FAM184A: variants seen among roughly 807,000 people sequenced by gnomAD.
FAM184A encodes family with sequence similarity 184 member A, also known as protein FAM184A.
Under a neutral mutation model 143.8 loss-of-function variants are expected in FAM184A, and 99 were observed. The observed-to-expected ratio is 0.69, with a 90% confidence interval of 0.58 to 0.81. The LOEUF is 0.81. Ranked by LOEUF, FAM184A falls within the 40% of genes least tolerant of loss-of-function variation. The pLI, the probability that FAM184A is intolerant of heterozygous loss-of-function variation, is 0.00. For missense variants in FAM184A, 1,217 were observed against 1,310.5 expected, an observed-to-expected ratio of 0.93 and a Z score of 1.10; for synonymous variants, 427 against 446.4, an observed-to-expected ratio of 0.96 and a Z score of 0.55.
At chr6:119,135,762 T>C (rs1472904970) in intron 1 of FAM184A, among the ~76,000 whole-genome samples, 1 of 152,206 alleles carries the variant, frequency 6.6e-6, no homozygotes, top group African/African-American at 2.4e-5. Context: ...CTCAGATCCA[T>C]ACTTCACGCA....
At chr6:119,056,631 AG>A (rs1161210811) in intron 1 of FAM184A, among the ~76,000 whole-genome samples, 2 of 152,208 alleles carry the variant, frequency 1.3e-5, no homozygotes, top group African/African-American at 4.8e-5. Context: ...GTAACCTACT[AG>A]GAACTTCCTT....
At chr6:119,052,599 A>G (rs1402522262) in intron 1 of FAM184A, among the ~76,000 whole-genome samples, 1 of 152,156 alleles carries the variant, frequency 6.6e-6, no homozygotes, top group Non-Finnish European at 1.5e-5. Context: ...GTTTCCCACC[A>G]CACATGTACA....
At chr6:118,995,185 A>C (rs1784508638) in intron 9 of FAM184A, among the ~76,000 whole-genome samples, 1 of 152,184 alleles carries the variant, frequency 6.6e-6, no homozygotes. Context: ...TGGGAGGCTG[A>C]GGCAGTGGAT....
At chr6:119,076,695 T>C (rs1935817) in intron 1 of FAM184A, among the ~76,000 whole-genome samples, 60,420 of 152,018 alleles carry the variant, frequency 0.4, 13,528 homozygotes, top group East Asian at 0.67. Flanking sequence ...GGACACATCA[T>C]AAGAGAAAAT....
At chr6:119,006,264 G>C (rs997913890) in intron 7 of FAM184A, 183 bp downstream of exon 7, 7 of 743,496 alleles carry the variant, frequency 9.4e-6, no homozygotes, top group Non-Finnish European at 1.7e-5. Flanking sequence ...CTAGCCTCCA[G>C]AGCTATGAGA....
intron 1 of FAM184A, among the ~76,000 whole-genome samples, chr6:119,106,253 G>A (rs1036450962): frequency 3.3e-5 from 5 of 151,948 alleles, no homozygotes; most frequent in African/African-American, 4.8e-5. Context: ...TTAGCCGGGC[G>A]TGGTGGTGCG....
intron 9 of FAM184A, among the ~76,000 whole-genome samples, chr6:119,000,948 A>T (rs1455712566): frequency 6.6e-6 from 1 of 151,338 alleles, no homozygotes; most frequent in African/African-American, 2.4e-5. Flanking sequence ...GTTATGGGGA[A>T]CAGGGCTTAG....
At chr6:119,019,877 T>C (rs1785383397) in intron 4 of FAM184A, 101 bp downstream of exon 4, 1 of 1,052,406 alleles carries the variant, frequency 9.5e-7, no homozygotes, top group Non-Finnish European at 1.3e-6. Context: ...AGGAAATGTA[T>C]TGTTACTGGG....
At chr6:119,025,353 C>G (rs1412114939) in intron 1 of FAM184A, 5 of 462,430 alleles carry the variant, frequency 1.1e-5, no homozygotes, top group Non-Finnish European at 2.1e-5. Flanking sequence ...TTTCCCAATT[C>G]CCCTATAGTT....
chr6:119,069,450 G>C (rs1351159237), intron 1 of FAM184A, among the ~76,000 whole-genome samples: 1 of 152,088 alleles, frequency 6.6e-6, no homozygotes, highest in African/African-American at 2.4e-5. Context: ...GATGAAAAAT[G>C]CAAATACCTG....
chr6:119,143,431 C>T (rs991771920), intron 1 of FAM184A, among the ~76,000 whole-genome samples: 1 of 152,134 alleles, frequency 6.6e-6, no homozygotes, highest in East Asian at 1.9e-4. Context: ...GTGAGTAAAA[C>T]AAAAGATGTG....
chr6:119,146,397 C>CGTGTGTGTGTGTGTGTGT (rs60937351), intron 1 of FAM184A, among the ~76,000 whole-genome samples: 1 of 136,310 alleles, frequency 7.3e-6, no homozygotes, highest in African/African-American at 2.8e-5. Context: ...GATTAACTTA[C>CGTGTGTGTGTGTGTGTGT]GTGTGTGTGT....
intron 1 of FAM184A, among the ~76,000 whole-genome samples, chr6:119,106,123 T>G (rs1455411927): frequency 6.6e-6 from 1 of 152,218 alleles, no homozygotes; most frequent in African/African-American, 2.4e-5. Flanking sequence ...CCGGGCGCAG[T>G]GGCTCATGCC....
chr6:119,030,751 T>C (rs969345048), intron 1 of FAM184A, among the ~76,000 whole-genome samples: 17 of 152,110 alleles, frequency 1.1e-4, no homozygotes, highest in African/African-American at 3.4e-4. Flanking sequence ...ACCCATAAAA[T>C]TGGCTATTTT....
intron 1 of FAM184A, among the ~76,000 whole-genome samples, chr6:119,091,787 A>G (rs2357161): frequency 0.2 from 31,093 of 152,140 alleles, 4,621 homozygotes; most frequent in African/African-American, 0.41. Flanking sequence ...GTGTCCTTGA[A>G]GGTTGGTACT....
chr6:119,130,858 C>CTT (rs67738048), intron 1 of FAM184A, among the ~76,000 whole-genome samples: 5 of 131,700 alleles, frequency 3.8e-5, no homozygotes, highest in Non-Finnish European at 6.4e-5. Context: ...TTCTTTTTTT[C>CTT]TTTTTTTTTT....
At chr6:119,053,125 C>G (rs532615407) in intron 1 of FAM184A, among the ~76,000 whole-genome samples, 62 of 152,282 alleles carry the variant, frequency 4.1e-4, no homozygotes, top group African/African-American at 1.5e-3. Flanking sequence ...GAACTGATAC[C>G]TGACTGAAGA....
intron 1 of FAM184A, among the ~76,000 whole-genome samples, chr6:119,055,151 T>C (rs1786914430): frequency 6.6e-6 from 1 of 152,228 alleles, no homozygotes; most frequent in Non-Finnish European, 1.5e-5. Flanking sequence ...ATACAATATT[T>C]AGCCTTTTGT....
At chr6:119,145,861 C>A (rs185952657) in intron 1 of FAM184A, among the ~76,000 whole-genome samples, 46 of 152,302 alleles carry the variant, frequency 3.0e-4, no homozygotes, top group African/African-American at 1.0e-3. Context: ...CACATCAGCT[C>A]CATTAAGCAA....
Sources: allele counts gnomAD v4.1 joint callset (sites outside exome capture counted in the v4.1 genomes callset), GRCh38; gene constraint gnomAD v4.1.1; transcripts MANE v1.5; gene names NCBI Gene and HGNC (gene_info 2026-07-23, HGNC 2026-07-21).